The following SNX9 variants were observed in gnomAD, a reference collection of about 807,000 sequenced individuals.
SNX9 encodes the protein sorting nexin-9.
In SNX9, 44 loss-of-function variants were observed where a neutral mutation model predicts 89.4. The observed-to-expected ratio is 0.49, with a 90% CI of 0.39 to 0.63. The LOEUF (loss-of-function observed/expected upper bound fraction) is 0.63. Ranked by LOEUF, SNX9 falls within the 30% of genes least tolerant of loss-of-function variation. The pLI is 0.00. For synonymous variants in SNX9, 236 were observed against 247.8 expected (o/e 0.95, Z 0.45); for missense variants, 578 against 736.1 (o/e 0.79, Z 2.49).
chr6:157,877,012 A>G (rs1389156948), intron 4 of SNX9, among the ~76,000 whole-genome samples: 1 of 152,270 alleles, frequency 6.6e-6, no homozygotes, highest in Non-Finnish European at 1.5e-5. Flanking sequence ...TAATAAAAGA[A>G]TTGTAATGAG....
intron 10 of SNX9, among the ~76,000 whole-genome samples, chr6:157,926,654 CG>C (rs1562620767): frequency 1.3e-5 from 2 of 151,522 alleles, no homozygotes; most frequent in African/African-American, 4.9e-5. Context: ...TGGTGGCATG[CG>C]CCTAAAGTCC....
intron 4 of SNX9, among the ~76,000 whole-genome samples, chr6:157,890,277 C>T (rs1029225210): frequency 1.3e-5 from 2 of 152,184 alleles, no homozygotes; most frequent in South Asian, 4.1e-4. Context: ...CCCCTCGTGG[C>T]CATTCTCAGT....
intron 1 of SNX9, among the ~76,000 whole-genome samples, chr6:157,839,566 A>G (rs547531612): frequency 6.6e-6 from 1 of 152,370 alleles, no homozygotes; most frequent in African/African-American, 2.4e-5. Context: ...ATTCCATTGC[A>G]CAGTCCAAGT....
chr6:157,874,103 A>G (rs906207884), intron 3 of SNX9: 2 of 152,208 alleles, frequency 1.3e-5, no homozygotes, highest in African/African-American at 2.4e-5. Context: ...CCCCCAGAGG[A>G]TGTTTACCTG....
At chr6:157,916,681 G>GT (rs1173279580) in intron 9 of SNX9, among the ~76,000 whole-genome samples, 1 of 152,202 alleles carries the variant, frequency 6.6e-6, no homozygotes, top group Non-Finnish European at 1.5e-5. Context: ...TACTCATCGA[G>GT]TGATTGTATG....
At chr6:157,869,471 G>A (rs1022919972) in intron 2 of SNX9, among the ~76,000 whole-genome samples, 4 of 152,052 alleles carry the variant, frequency 2.6e-5, no homozygotes, top group Non-Finnish European at 4.4e-5. Context: ...TTTCTGTTGT[G>A]GCGCCTTTCC....
intron 3 of SNX9, 138 bp downstream of exon 3, chr6:157,873,314 A>T (rs1782453273): frequency 4.1e-6 from 2 of 485,596 alleles, no homozygotes; most frequent in East Asian, 6.8e-5. Flanking sequence ...TAACTATATA[A>T]AATATGGAAA....
chr6:157,914,437 G>A (rs1037631156), intron 9 of SNX9, among the ~76,000 whole-genome samples: 7 of 148,300 alleles, frequency 4.7e-5, no homozygotes, highest in African/African-American at 7.5e-5. Context: ...ATAACTTGTC[G>A]CAGCTGTGGC....
At chr6:157,893,296 T>C (rs1782902338) in intron 4 of SNX9, among the ~76,000 whole-genome samples, 1 of 152,206 alleles carries the variant, frequency 6.6e-6, no homozygotes, top group Admixed American at 6.5e-5. Context: ...GTTTGAGAAG[T>C]CACAGTCTTG....
Position 157,901,938 on chromosome 6 carries a change from G to T in SNX9, c.513G>T (p.Gly171=). 1 of 1,612,826 alleles carries T rather than the reference G, an allele frequency of 6.2e-7. No homozygotes were observed. The highest frequency in any genetic ancestry group is 8.5e-7 in the Non-Finnish European group (1 of 1,179,504). ...ATGACTGGGATGAAGACTGGGATGG[G>T]CCCAAATCCTCTTCCTACTTTAAGG... ...DDDDWDEDWD[G]PKSSSYFKDS... The change falls in exon 6 of 18, where the codon GGG becomes GGT. Residue 171 remains glycine (G), a synonymous_variant. Coordinates refer to ENST00000392185, the MANE Select transcript of SNX9 (RefSeq NM_016224.5).
At chr6:157,855,661 T>C (rs532251896) in intron 1 of SNX9, among the ~76,000 whole-genome samples, 1 of 152,368 alleles carries the variant, frequency 6.6e-6, no homozygotes, top group South Asian at 2.1e-4. Flanking sequence ...GTACTCTTTA[T>C]ATAGAGTAGC....
At chr6:157,841,197 T>A (rs1470577368) in intron 1 of SNX9, among the ~76,000 whole-genome samples, 1 of 152,222 alleles carries the variant, frequency 6.6e-6, no homozygotes, top group East Asian at 1.9e-4. Context: ...TATTCTTTCA[T>A]GGTTCCATTA....
intron 4 of SNX9, among the ~76,000 whole-genome samples, chr6:157,890,090 G>A (rs1014265877): frequency 6.6e-6 from 1 of 152,222 alleles, no homozygotes; most frequent in African/African-American, 2.4e-5. Flanking sequence ...CTATCCCCAT[G>A]TGGTATAATG....
intron 15 of SNX9, 22 bp downstream of exon 15, chr6:157,937,545 A>G (rs369204514): frequency 5.1e-6 from 8 of 1,571,018 alleles, no homozygotes; most frequent in Non-Finnish European, 7.0e-6. Flanking sequence ...GTAGACATTT[A>G]TAGAAGACAA....
Position 157,875,184 on chromosome 6 carries a change from T to A in SNX9, c.300+8T>A. 1 of 1,604,336 alleles carries A rather than the reference T, an allele frequency of 6.2e-7. No homozygotes were observed. The highest frequency in any genetic ancestry group is 8.5e-7 in the Non-Finnish European group (1 of 1,174,568). On this transcript the variant is annotated splice_region_variant and intron_variant, in intron 4 of 17. Transcript: ENST00000392185. Reference sequence around the variant, plus strand: ...GCCAGCAACAATCACCAGGTACGTCTCACTTCCTCCTTCTGGATGTGGCTG... The same window carrying A: ...GCCAGCAACAATCACCAGGTACGTCACACTTCCTCCTTCTGGATGTGGCTG...
intron 2 of SNX9, among the ~76,000 whole-genome samples, chr6:157,870,482 A>T (rs1206186242): frequency 6.7e-6 from 1 of 148,894 alleles, no homozygotes; most frequent in African/African-American, 2.5e-5. Context: ...TACACCCTGC[A>T]GATAGTCTCA....
intron 12 of SNX9, among the ~76,000 whole-genome samples, chr6:157,929,802 T>C (rs1307725504): frequency 6.6e-6 from 1 of 151,898 alleles, no homozygotes; most frequent in Non-Finnish European, 1.5e-5. Flanking sequence ...AAATATGGAG[T>C]GACTTGTAGA....
intron 6 of SNX9, among the ~76,000 whole-genome samples, chr6:157,903,257 A>G (rs1783144102): frequency 6.6e-6 from 1 of 151,912 alleles, no homozygotes; most frequent in Admixed American, 6.5e-5. Context: ...GTGTCTGGAA[A>G]AATTAAAAAC....
intron 9 of SNX9, among the ~76,000 whole-genome samples, chr6:157,910,802 A>G (rs557774456): frequency 1.5e-4 from 23 of 152,270 alleles, no homozygotes; most frequent in South Asian, 8.3e-4. Context: ...CTGCTACTCT[A>G]TGTAGTCACT....
Sources: gnomAD v4.1 joint callset for allele counts (sites outside exome capture counted in the v4.1 genomes callset) on GRCh38, gnomAD v4.1.1 for gene constraint, MANE v1.5 for transcripts, NCBI Gene and HGNC (gene_info 2026-07-23, HGNC 2026-07-21) for gene names.